TEX11: variants seen among roughly 807,000 people sequenced by gnomAD.
The protein encoded by TEX11 is testis expressed 11.
Under a neutral mutation model 84.4 loss-of-function variants are expected in TEX11, and 7 were observed. The ratio of observed to expected loss-of-function variants is 0.08; its 90% CI spans 0.05 to 0.16. The LOEUF is 0.16. Ranked by LOEUF, TEX11 falls within the 10% of genes least tolerant of loss-of-function variation. The pLI is 1.00. For missense variants in TEX11, 551 were observed against 660.5 expected, an observed-to-expected ratio of 0.83 and a Z score of 1.82; for synonymous variants, 264 against 222.8, an observed-to-expected ratio of 1.18 and a Z score of -1.64.
chrX:70,546,120 C>A, intron 28 of TEX11, among the ~76,000 whole-genome samples: 1 of 111,995 alleles, frequency 8.9e-6, no homozygotes, highest in Middle Eastern at 4.7e-3. Flanking sequence ...GTGGGAGAGT[C>A]AGATCAGGTA....
At position 70,528,949 on chromosome X, in the gene TEX11, C is replaced by T; in HGVS notation, c.*146G>A. 2.1e-6 allele frequency: 1 copy of T among 468,456 alleles called. No individual in the cohort carries two copies. The highest frequency in any genetic ancestry group is 3.7e-5 in the East Asian group (1 of 27,007). 38.6% of individuals were successfully genotyped at this position (468,456 alleles called of 1,213,427 possible). ...GAGCTGGTCACCAAGGTAAATTCAGCATGCTTTTATTTTAGAAAGTTTATT... is the reference window on the plus strand; with the variant it reads ...GAGCTGGTCACCAAGGTAAATTCAGTATGCTTTTATTTTAGAAAGTTTATT... On this transcript the variant is annotated 3_prime_UTR_variant, in exon 30 of 30. Coordinates refer to ENST00000374333, the MANE Select transcript of TEX11 (RefSeq NM_031276.3).
rs1383828989 is a variant in TEX11, at chrX:70,760,423, C to T, written c.693-16204G>A. Among the ~76,000 whole-genome samples, 3 of 111,221 alleles carry T rather than the reference C, an allele frequency of 2.7e-5. No individual in the cohort carries two copies. The East Asian group carries it at 8.4e-4, about 31-fold the overall frequency. The stretch of plus-strand genomic sequence containing the variant: ...ACTGGTACCAAAACAGAGATATAGA[C>T]CAATGGAACAGAACAGAGGCTTCAG... On this transcript the variant is annotated intron_variant, in intron 9 of 29. Coordinates refer to ENST00000374333, the MANE Select transcript of TEX11 (RefSeq NM_031276.3).
intron 25 of TEX11, among the ~76,000 whole-genome samples, chrX:70,556,960 G>GTATT (rs930709727): frequency 1.0e-3 from 113 of 109,249 alleles, no homozygotes; most frequent in African/African-American, 3.5e-3. Context: ...CAACAATCAA[G>GTATT]TATTTATTTA....
chrX:70,883,952 A>T (rs763483939), intron 2 of TEX11, among the ~76,000 whole-genome samples: 1 of 111,977 alleles, frequency 8.9e-6, no homozygotes, highest in Admixed American at 9.5e-5. Flanking sequence ...CCATCAGCTC[A>T]ACCAGTCATT....
intron 28 of TEX11, among the ~76,000 whole-genome samples, chrX:70,548,299 A>G (rs1476323098): frequency 9.1e-6 from 1 of 109,719 alleles, no homozygotes; most frequent in Non-Finnish European, 1.9e-5. Context: ...GGATAGCATT[A>G]GGAGATATAC....
At chrX:70,649,054 T>C (rs924497060) in intron 17 of TEX11, among the ~76,000 whole-genome samples, 1 of 112,065 alleles carries the variant, frequency 8.9e-6, no homozygotes, top group Non-Finnish European at 1.9e-5. Flanking sequence ...ATCTTATTCC[T>C]TTTTATGGCT....
At chrX:70,639,425 A>G (rs141956683) in intron 17 of TEX11, among the ~76,000 whole-genome samples, 9,736 of 111,943 alleles carry the variant, frequency 0.087, 928 homozygotes, top group African/African-American at 0.27. Context: ...CCACAGCTCA[A>G]GGAGGCCTGC....
At position 70,656,276 on chromosome X, in the gene TEX11, A is replaced by T. The variant is rs930356660; in HGVS notation, c.1381-4724T>A. ...CCCGTCTCAACAAAAAAATTTTTTT[A>T]AATTAGCCAGGCATGGTGGTGCATG... On this transcript the variant is annotated intron_variant, in intron 16 of 29. Coordinates refer to ENST00000374333, the MANE Select transcript of TEX11 (RefSeq NM_031276.3). Among the ~76,000 whole-genome samples the T allele has an allele frequency of 2.2e-4, 24 of 108,810 alleles. No homozygotes were observed. The Admixed American group carries it at 2.4e-3, about 11-fold the overall frequency. The allele number at this position is 108,810 out of a possible 115,157, so 94.5% of individuals were successfully genotyped here. A position where few individuals can be genotyped will look rare whatever the true frequency, so the allele number is the denominator to read the frequency against.
At chrX:70,705,648 A>G (rs1487647152) in intron 13 of TEX11, among the ~76,000 whole-genome samples, 1 of 112,207 alleles carries the variant, frequency 8.9e-6, no homozygotes, top group African/African-American at 3.2e-5. Flanking sequence ...AAGTGGGCAA[A>G]GGATATGAGC....
chrX:70,638,638 A>G (rs1332986775), intron 17 of TEX11, among the ~76,000 whole-genome samples: 1 of 109,355 alleles, frequency 9.1e-6, no homozygotes, highest in African/African-American at 3.3e-5. Context: ...CATCTCTACT[A>G]AAAATGCAAA....
intron 20 of TEX11, among the ~76,000 whole-genome samples, chrX:70,611,182 T>C (rs2089256238): frequency 8.9e-6 from 1 of 112,490 alleles, no homozygotes; most frequent in South Asian, 3.7e-4. Flanking sequence ...CGGTTTCTAG[T>C]TATGCATGTA....
chrX:70,698,484 C>G (rs1397350762), intron 13 of TEX11, among the ~76,000 whole-genome samples: 3 of 108,283 alleles, frequency 2.8e-5, no homozygotes, highest in Non-Finnish European at 5.7e-5. Flanking sequence ...CCAACAGAAG[C>G]CAAAAAGGAG....
At chrX:70,656,113 G>GTGTA (rs1556009833) in intron 16 of TEX11, among the ~76,000 whole-genome samples, 7 of 101,383 alleles carry the variant, frequency 6.9e-5, no homozygotes, top group East Asian at 3.1e-4. Flanking sequence ...AGGTAGCTGT[G>GTGTA]TATATATATA....
chrX:70,564,510 C>T (rs1024391529), intron 25 of TEX11, among the ~76,000 whole-genome samples: 3 of 107,643 alleles, frequency 2.8e-5, no homozygotes, highest in African/African-American at 6.8e-5. Flanking sequence ...CCCATTAACT[C>T]GTCATTTAGC....
chrX:70,698,615 G>T (rs1435140842), intron 13 of TEX11, among the ~76,000 whole-genome samples: 1 of 110,246 alleles, frequency 9.1e-6, no homozygotes, highest in African/African-American at 3.3e-5. Context: ...TAGAGGAACT[G>T]CAGAAACTAT....
intron 25 of TEX11, among the ~76,000 whole-genome samples, chrX:70,558,925 G>A (rs1185291688): frequency 8.9e-6 from 1 of 112,052 alleles, no homozygotes; most frequent in East Asian, 2.8e-4. Context: ...TACAAGTGTT[G>A]AGAAGGAGGT....
intron 15 of TEX11, among the ~76,000 whole-genome samples, chrX:70,674,288 T>C (rs2090050336): frequency 1.8e-5 from 2 of 112,407 alleles, no homozygotes; most frequent in Admixed American, 9.4e-5. Context: ...ATTTTCTTTA[T>C]TCAGTCTGTC....
chrX:70,675,193 G>A (rs770764271), intron 15 of TEX11, among the ~76,000 whole-genome samples: 1 of 111,250 alleles, frequency 9.0e-6, no homozygotes, highest in East Asian at 2.8e-4. Context: ...GTAATAATAC[G>A]AAAAAAATCT....
chrX:70,576,675 G>C (rs151186637), intron 25 of TEX11, among the ~76,000 whole-genome samples: 18 of 112,160 alleles, frequency 1.6e-4, no homozygotes, highest in Admixed American at 8.6e-4. Context: ...ATATTCTGAA[G>C]ACCTATTATG....
Sources: gnomAD v4.1 joint callset for allele counts (sites outside exome capture counted in the v4.1 genomes callset) on GRCh38, gnomAD v4.1.1 for gene constraint, MANE v1.5 for transcripts, NCBI Gene and HGNC (gene_info 2026-07-23, HGNC 2026-07-21) for gene names.